The following PABIR2 variants were observed in gnomAD, a reference collection of about 807,000 sequenced individuals.
The protein encoded by PABIR2 is family with sequence similarity 122B.
A neutral mutation model predicts 22.8 loss-of-function variants in PABIR2; 7 were observed. The observed-to-expected ratio is 0.31, with a 90% CI of 0.17 to 0.58. The LOEUF is 0.58. Ranked by LOEUF, PABIR2 falls within the 20% of genes least tolerant of loss-of-function variation. The pLI, the probability that PABIR2 is intolerant of heterozygous loss-of-function variation, is 0.89. For synonymous variants in PABIR2, 67 were observed against 73.8 expected (o/e 0.91, Z 0.47); for missense variants, 155 against 205.1 (o/e 0.76, Z 1.49).
At chrX:134,776,968 G>C (rs990727935) in intron 9 of PABIR2, among the ~76,000 whole-genome samples, 2 of 112,155 alleles carry the variant, frequency 1.8e-5, no homozygotes, top group East Asian at 2.8e-4. Flanking sequence ...TAAGATATCC[G>C]GTTTGATTCA....
chrX:134,789,660 A>G lies in PABIR2; in HGVS notation c.178-24T>C, dbSNP rs1482651750. The G allele has an allele frequency of 7.9e-6, 9 of 1,135,300 alleles. No individual in the cohort carries two copies. The South Asian group carries it at 1.8e-4, about 22-fold the overall frequency. The allele number at this position is 1,135,300 out of a possible 1,213,427, so 93.6% of individuals were successfully genotyped here. On this transcript the variant is annotated intron_variant, in intron 2 of 9. Transcript: ENST00000343004. ...AACTGGAAAGAAAAAGTAAACATTT[A>G]CTATTTTCTGAATCACAAAGCAGCA...
At chrX:134,792,468 A>G (rs1023456915) in intron 2 of PABIR2, among the ~76,000 whole-genome samples, 5 of 112,366 alleles carry the variant, frequency 4.4e-5, no homozygotes, top group Admixed American at 9.4e-5. Flanking sequence ...AAAATAAGTA[A>G]TATTTTCCAG....
chrX:134,784,442 G>A (rs1169293832), intron 8 of PABIR2, among the ~76,000 whole-genome samples: 4 of 109,718 alleles, frequency 3.6e-5, no homozygotes, highest in Non-Finnish European at 7.6e-5. Flanking sequence ...CCAGAGTCTG[G>A]GCAACAAGAA....
chrX:134,784,466 C>CA (rs1278793206), intron 8 of PABIR2, among the ~76,000 whole-genome samples: 3 of 104,415 alleles, frequency 2.9e-5, no homozygotes, highest in Non-Finnish European at 5.8e-5. Context: ...AATTCGGTCT[C>CA]AAAAAAAACA....
At chrX:134,781,054 G>C (rs1369405060) in intron 9 of PABIR2, among the ~76,000 whole-genome samples, 1 of 112,528 alleles carries the variant, frequency 8.9e-6, no homozygotes, top group Non-Finnish European at 1.9e-5. Flanking sequence ...AGGCAGAGCA[G>C]CTACAATCAA....
At chrX:134,773,699 G>T (rs1451792231) in intron 9 of PABIR2, among the ~76,000 whole-genome samples, 2 of 97,186 alleles carry the variant, frequency 2.1e-5, no homozygotes, top group Non-Finnish European at 3.8e-5. Flanking sequence ...AAAAAGCATC[G>T]AATTGGAGAA....
At chrX:134,787,610 CTT>C (rs1179720154) in intron 6 of PABIR2, 77 bp from the exon 7 acceptor site, 22,830 of 258,932 alleles carry the variant, frequency 0.088, no homozygotes, top group East Asian at 0.1. Context: ...AGTTTTCTTT[CTT>C]TTTTTTTTTT....
At chrX:134,783,629 G>A (rs2079216296) in intron 8 of PABIR2, among the ~76,000 whole-genome samples, 1 of 111,393 alleles carries the variant, frequency 9.0e-6, no homozygotes, top group Admixed American at 9.6e-5. Context: ...GGAGGCTGAG[G>A]CAGAAGAATA....
Position 134,778,962 on chromosome X carries a change from C to T in PABIR2, c.659+2859G>A, listed in dbSNP as rs183953471. 7.6e-3 allele frequency among the ~76,000 whole-genome samples: 839 copies of T among 110,550 alleles called. 32 individuals are homozygous for T. The East Asian group carries it at 0.15, about 20-fold the overall frequency. On this transcript the variant is annotated intron_variant, in intron 9 of 9. Transcript: ENST00000343004. ...CCGAGTAGCTGGGACTACAGGCGCCCGCCACCATGCCAGGCTAATTTTTTT... is the reference window on the plus strand; with the variant it reads ...CCGAGTAGCTGGGACTACAGGCGCCTGCCACCATGCCAGGCTAATTTTTTT...
rs17000704 is a variant in PABIR2 at position 134,773,186 on chromosome X, A to T, written c.660-903T>A. Among the ~76,000 whole-genome samples, 561 of 111,167 alleles carry T rather than the reference A, an allele frequency of 5.0e-3. 6 individuals carry two copies. The highest frequency in any genetic ancestry group is 0.018 in the African/African-American group (543 of 30,609). On this transcript the variant is annotated intron_variant, in intron 9 of 9. Transcript: ENST00000343004. ...GAACTGAGAGCCTTTACAGTCTGGC[A>T]TCAAGCTGCCTTTCTGGCTTTGGTT...
chrX:134,787,417 G>C (rs1279589491), intron 7 of PABIR2, 55 bp downstream of exon 7: 18 of 1,125,767 alleles, frequency 1.6e-5, no homozygotes, highest in Non-Finnish European at 2.2e-5. Flanking sequence ...GCTAATCTGA[G>C]AGATAAATGT....
chrX:134,785,588 C>G (rs1159001534), intron 8 of PABIR2, among the ~76,000 whole-genome samples: 2 of 110,131 alleles, frequency 1.8e-5, no homozygotes, highest in African/African-American at 6.6e-5. Flanking sequence ...ATTACAGGTA[C>G]CTGCCACCAC....
chrX:134,774,380 G>A (rs1197359853), intron 9 of PABIR2, among the ~76,000 whole-genome samples: 2 of 111,658 alleles, frequency 1.8e-5, no homozygotes, highest in African/African-American at 6.5e-5. Flanking sequence ...CGAAGGACAC[G>A]CTCTTTGCTA....
Position 134,771,752 on chromosome X carries a change from G to T in PABIR2, c.*387C>A. 1.2e-6 allele frequency: 1 copy of T among 803,616 alleles called. No homozygotes were observed. The highest frequency in any genetic ancestry group is 1.5e-6 in the Non-Finnish European group (1 of 672,648). The allele number at this position is 803,616 out of a possible 1,213,427, so 66.2% of individuals were successfully genotyped here. A position where few individuals can be genotyped will look rare whatever the true frequency, so the allele number is the denominator to read the frequency against. On this transcript the variant is annotated 3_prime_UTR_variant, in exon 10 of 10. Coordinates refer to ENST00000343004, the MANE Select transcript of PABIR2 (RefSeq NM_001387468.1). ...ACAAAAAAAAATCTCTCAAGCAAGA[G>T]AATTTCTGATCAAATCTGTCATATC... is the stretch of plus-strand genomic sequence containing the variant.
At chrX:134,793,762 T>G (rs1199634493) in intron 2 of PABIR2, 53 bp downstream of exon 2, 1 of 1,113,033 alleles carries the variant, frequency 9.0e-7, no homozygotes, top group Non-Finnish European at 1.2e-6. Flanking sequence ...GAACTCCATT[T>G]CAAAGTATTT....
intron 2 of PABIR2, among the ~76,000 whole-genome samples, chrX:134,793,471 C>T (rs2079609822): frequency 8.9e-6 from 1 of 112,735 alleles, no homozygotes; most frequent in African/African-American, 3.2e-5. Context: ...AAACACTCTG[C>T]TACCTTTAAG....
chrX:134,788,586 G>A (rs2079450318), intron 6 of PABIR2, 144 bp downstream of exon 6: 3 of 260,260 alleles, frequency 1.2e-5, no homozygotes, highest in African/African-American at 9.0e-5. Context: ...ATATATATAT[G>A]TATATTTTCC....
rs937272568 is a variant in PABIR2 at position 134,772,347 on chromosome X, G to C, written c.660-64C>G. On this transcript the variant is annotated intron_variant, in intron 9 of 9. Transcript: ENST00000343004. ...TATCAGGGTAAACATAACATGCAATGACACAGTTTCAAGAGCTCACAAATC... is the reference window on the plus strand; with the variant it reads ...TATCAGGGTAAACATAACATGCAATCACACAGTTTCAAGAGCTCACAAATC... 1.8e-5 allele frequency: 19 copies of C among 1,049,734 alleles called. No homozygotes were observed. In the African/African-American group the frequency reaches 3.6e-4, roughly 20 times the overall value. The allele number at this position is 1,049,734 out of a possible 1,213,427, so 86.5% of individuals were successfully genotyped here.
chrX:134,788,196 C>T (rs2079410184), intron 6 of PABIR2, among the ~76,000 whole-genome samples: 1 of 71,694 alleles, frequency 1.4e-5, no homozygotes, highest in African/African-American at 6.1e-5. Flanking sequence ...AATATATACA[C>T]GTTATATATG....
Sources: gnomAD v4.1 joint callset for allele counts (sites outside exome capture counted in the v4.1 genomes callset) on GRCh38, gnomAD v4.1.1 for gene constraint, MANE v1.5 for transcripts, NCBI Gene and HGNC (gene_info 2026-07-23, HGNC 2026-07-21) for gene names.